The following LPIN1 variants were observed in gnomAD, a reference collection of about 807,000 sequenced individuals.
The protein encoded by LPIN1 is lipin 1.
A neutral mutation model predicts 107.5 loss-of-function variants in LPIN1; 71 were observed. That is an observed-to-expected ratio of 0.66 (90% CI 0.55 to 0.80). LPIN1 has a LOEUF of 0.80. Among genes scored for constraint, LPIN1 ranks in the 30% least tolerant of loss-of-function variants. The probability of loss-of-function intolerance (pLI) is 0.00; values close to 1 mark genes in which losing one functional copy is unlikely to be tolerated. For missense variants in LPIN1, 1,043 were observed against 1,160.6 expected (o/e 0.90, Z 1.47); for synonymous variants, 445 against 452.6 (o/e 0.98, Z 0.21).
At chr2:11,812,534 G>A (rs1365880639) in intron 17 of LPIN1, among the ~76,000 whole-genome samples, 1 of 152,132 alleles carries the variant, frequency 6.6e-6, no homozygotes, top group African/African-American at 2.4e-5. Context: ...GCAGACTGGG[G>A]GAAAGGTGCT....
chr2:11,790,314 G>A (rs962909494), intron 12 of LPIN1, among the ~76,000 whole-genome samples: 4 of 152,174 alleles, frequency 2.6e-5, no homozygotes, highest in Admixed American at 6.5e-5. Flanking sequence ...TGATGAATTT[G>A]GGTTAGCTTC....
chr2:11,800,227 A>G (rs1276186672), intron 14 of LPIN1, among the ~76,000 whole-genome samples: 1 of 152,132 alleles, frequency 6.6e-6, no homozygotes, highest in East Asian at 1.9e-4. Context: ...CCCAAAGCCC[A>G]CCGACCTCCC....
chr2:11,796,441 C>T (rs986775375), intron 14 of LPIN1, among the ~76,000 whole-genome samples: 4 of 151,952 alleles, frequency 2.6e-5, no homozygotes, highest in Admixed American at 6.6e-5. Flanking sequence ...CAGAAACCCA[C>T]GTGGGAGGCA....
At chr2:11,758,962 T>C (rs6744695) in intron 1 of LPIN1, among the ~76,000 whole-genome samples, 47,878 of 152,156 alleles carry the variant, frequency 0.31, 10,579 homozygotes, top group African/African-American at 0.63. Context: ...TTAAAGATGC[T>C]TCTTCAGTTG....
In LPIN1 at chr2:11,787,392, C is replaced by CTTT. The variant is rs1219054361; in HGVS notation, c.1643+228_1643+230dup. 9.2e-3 allele frequency among the ~76,000 whole-genome samples: 1,040 copies of CTTT among 113,504 alleles called. 75 individuals carry two copies. Among genetic ancestry groups the CTTT allele is most frequent in the African/African-American group, 0.015 (394 of 26,090 alleles). 74.5% of individuals were successfully genotyped at this position (113,504 alleles called of 152,430 possible). On this transcript the variant is annotated intron_variant, in intron 11 of 20. Transcript: ENST00000674199. ...AGTCTTGTGAGTTTTCTTTTCTTTT[C>CTTT]TTTTTCTTTTTTTTTTTTTTTTTTT...
intron 1 of LPIN1, among the ~76,000 whole-genome samples, chr2:11,757,950 C>CT (rs1160784683): frequency 6.6e-6 from 1 of 152,204 alleles, no homozygotes; most frequent in Admixed American, 6.5e-5. Context: ...TCCCTAGCCC[C>CT]TGGTAATCAG....
At chr2:11,719,725 G>A (rs745576700), upstream of LPIN1, among the ~76,000 whole-genome samples, 44 of 151,344 alleles carry the variant, frequency 2.9e-4, no homozygotes, top group Non-Finnish European at 5.7e-4. Context: ...TTACGCAGGT[G>A]CCCCTTAACA....
At chr2:11,693,059 A>G (rs1662350440) in intron 1 of LPIN1, among the ~76,000 whole-genome samples, 2 of 152,156 alleles carry the variant, frequency 1.3e-5, no homozygotes, top group Admixed American at 6.5e-5. Flanking sequence ...AGGAAGATTC[A>G]GGGTCACTGT....
chr2:11,781,389 C>A (rs1401087126), intron 7 of LPIN1, among the ~76,000 whole-genome samples: 1 of 152,232 alleles, frequency 6.6e-6, no homozygotes, highest in Admixed American at 6.5e-5. Context: ...ATAGTTGTAA[C>A]CACAGATTTT....
At chr2:11,813,195 A>G (rs73189040) in intron 17 of LPIN1, among the ~76,000 whole-genome samples, 7,195 of 152,216 alleles carry the variant, frequency 0.047, 327 homozygotes, top group East Asian at 0.15. Context: ...TGTGGAGTTC[A>G]TAGTAGCCTG....
At chr2:11,817,223 G>A (rs770405869) in intron 18 of LPIN1, 1 of 152,140 alleles carries the variant, frequency 6.6e-6, no homozygotes, top group South Asian at 2.1e-4. Flanking sequence ...GTGCAGTTCT[G>A]ATTTTACTGC....
intron 1 of LPIN1, among the ~76,000 whole-genome samples, chr2:11,738,887 C>A (rs1434717996): frequency 6.6e-6 from 1 of 152,242 alleles, no homozygotes; most frequent in Non-Finnish European, 1.5e-5. Context: ...AAGGAAGGAG[C>A]TTGCAGGCAG....
At chr2:11,777,729 T>A (rs930030588) in intron 6 of LPIN1, among the ~76,000 whole-genome samples, 1 of 152,228 alleles carries the variant, frequency 6.6e-6, no homozygotes, top group Non-Finnish European at 1.5e-5. Context: ...CGACCCCTGT[T>A]CGGAGCAAGC....
At chr2:11,744,606 T>C (rs1666707771), upstream of LPIN1, among the ~76,000 whole-genome samples, 2 of 152,212 alleles carry the variant, frequency 1.3e-5, no homozygotes, top group Admixed American at 6.5e-5. Context: ...TTGTCCTATA[T>C]TTTCAGACCT....
In LPIN1 at chr2:11,782,287, C is replaced by T. The variant is rs775088748; in HGVS notation, c.1044C>T (p.Ser348=). 3.7e-5 allele frequency: 59 copies of T among 1,614,024 alleles called. No homozygotes were observed. Among genetic ancestry groups the T allele is most frequent in the Non-Finnish European group, 4.7e-5 (55 of 1,180,012 alleles). Residue 348 remains serine (S), a synonymous_variant, in exon 8 of 21, where the codon AGC becomes AGT. Transcript: ENST00000674199. ...AAAGTCACTTTCAGGCCATTCACAG[C>T]GAATCTTCAGACACTTTTAGTGACC... ...CDKSHFQAIH[S]ESSDTFSDQS...
At chr2:11,684,112 CTG>C (rs772215973) in intron 1 of LPIN1, among the ~76,000 whole-genome samples, 10 of 152,238 alleles carry the variant, frequency 6.6e-5, no homozygotes, top group Non-Finnish European at 1.0e-4. Flanking sequence ...AGGTATCACG[CTG>C]TCTCTTGTGA....
upstream of LPIN1, chr2:11,721,659 A>T (rs1284017547): frequency 6.6e-6 from 1 of 152,204 alleles, no homozygotes; most frequent in Non-Finnish European, 1.5e-5. Context: ...TTGGGGACAG[A>T]CACTTTTCCT....
intron 17 of LPIN1, among the ~76,000 whole-genome samples, chr2:11,812,783 G>A (rs1558293241): frequency 6.6e-6 from 1 of 152,158 alleles, no homozygotes; most frequent in Non-Finnish European, 1.5e-5. Context: ...GTGTGAGTGG[G>A]CTACGCTTTA....
At chr2:11,688,822 A>T (rs1662137369) in intron 1 of LPIN1, among the ~76,000 whole-genome samples, 2 of 152,224 alleles carry the variant, frequency 1.3e-5, no homozygotes, top group African/African-American at 2.4e-5. Context: ...GGACTTGGCT[A>T]GTCGGTTTCT....
Sources: gnomAD v4.1 joint callset for allele counts (sites outside exome capture counted in the v4.1 genomes callset) on GRCh38, gnomAD v4.1.1 for gene constraint, MANE v1.5 for transcripts, NCBI Gene and HGNC (gene_info 2026-07-23, HGNC 2026-07-21) for gene names.